Variants in GABRB2 observed in about 807,000 individuals in gnomAD.
The protein encoded by GABRB2 is gamma-aminobutyric acid type A receptor subunit beta2, also known as gamma-aminobutyric acid receptor subunit beta-2.
In GABRB2, 16 loss-of-function variants were observed where a neutral mutation model predicts 54.7. The observed-to-expected ratio is 0.29, with a 90% CI of 0.20 to 0.44. The LOEUF is 0.44. GABRB2 is among the 20% of genes least tolerant of loss of function. The pLI is 1.00. For synonymous variants in GABRB2, 244 were observed against 233.8 expected, an observed-to-expected ratio of 1.04 and a Z score of -0.40; for missense variants, 355 against 644.0, an observed-to-expected ratio of 0.55 and a Z score of 4.86.
chr5:161,440,188 A>G (rs1733529836), intron 4 of GABRB2, among the ~76,000 whole-genome samples: 2 of 152,068 alleles, frequency 1.3e-5, no homozygotes, highest in Admixed American at 1.3e-4. Context: ...AGAAGAGAAT[A>G]CCATAAGCAA....
chr5:161,456,441 T>C (rs555061334), intron 4 of GABRB2, among the ~76,000 whole-genome samples: 2 of 152,340 alleles, frequency 1.3e-5, no homozygotes, highest in African/African-American at 4.8e-5. Flanking sequence ...ATAAAAGTTG[T>C]TTCCATCTAA....
At chr5:161,497,873 G>A (rs1195901855) in intron 3 of GABRB2, among the ~76,000 whole-genome samples, 1 of 152,122 alleles carries the variant, frequency 6.6e-6, no homozygotes, top group Non-Finnish European at 1.5e-5. Context: ...TGGTGACTCT[G>A]ACTTTGCTCT....
intron 9 of GABRB2, among the ~76,000 whole-genome samples, chr5:161,297,733 C>G (rs914368462): frequency 1.3e-5 from 2 of 152,062 alleles, no homozygotes; most frequent in African/African-American, 4.8e-5. Context: ...AATAGTGTTG[C>G]AATAAACATA....
At chr5:161,390,642 C>A (rs1212830769) in intron 5 of GABRB2, among the ~76,000 whole-genome samples, 1 of 152,040 alleles carries the variant, frequency 6.6e-6, no homozygotes, top group African/African-American at 2.4e-5. Context: ...ATGAAGGAAT[C>A]TCTGTACTAT....
chr5:161,420,289 T>A (rs1756810863), intron 4 of GABRB2, among the ~76,000 whole-genome samples: 1 of 152,220 alleles, frequency 6.6e-6, no homozygotes. Context: ...ACAGACCAAG[T>A]GACAGCCTCA....
chr5:161,421,973 A>C (rs1756867078), intron 4 of GABRB2, among the ~76,000 whole-genome samples: 1 of 152,190 alleles, frequency 6.6e-6, no homozygotes, highest in East Asian at 1.9e-4. Context: ...AAGCCATGAC[A>C]ATTATTGCTT....
chr5:161,533,769 C>T (rs1446280792), intron 3 of GABRB2, among the ~76,000 whole-genome samples: 2 of 152,038 alleles, frequency 1.3e-5, no homozygotes, highest in Non-Finnish European at 2.9e-5. Context: ...CATGGAAAAA[C>T]ACACAATAGT....
chr5:161,504,785 C>A (rs925004509), intron 3 of GABRB2, among the ~76,000 whole-genome samples: 3 of 146,922 alleles, frequency 2.0e-5, no homozygotes, highest in Admixed American at 6.8e-5. Context: ...ACCACAGATC[C>A]GAAAGGAATT....
At chr5:161,513,485 T>A (rs570953234) in intron 3 of GABRB2, among the ~76,000 whole-genome samples, 2 of 152,228 alleles carry the variant, frequency 1.3e-5, no homozygotes, top group South Asian at 4.1e-4. Flanking sequence ...TGCTGCAACA[T>A]GGATGCAGCT....
At chr5:161,464,902 T>C (rs1156663897) in intron 3 of GABRB2, among the ~76,000 whole-genome samples, 1 of 152,084 alleles carries the variant, frequency 6.6e-6, no homozygotes, top group Non-Finnish European at 1.5e-5. Context: ...GGGGAGCAGT[T>C]GACCTCAAAG....
At chr5:161,371,909 T>C (rs1311777041) in intron 5 of GABRB2, among the ~76,000 whole-genome samples, 1 of 151,968 alleles carries the variant, frequency 6.6e-6, no homozygotes, top group African/African-American at 2.4e-5. Context: ...ATTTTTATTT[T>C]TGTAGAGACA....
upstream of GABRB2, chr5:161,546,772 G>A (rs1344382850): frequency 3.5e-5 from 52 of 1,495,618 alleles, no homozygotes; most frequent in Non-Finnish European, 4.5e-5. Flanking sequence ...GGAAGCGGCG[G>A]CTGCCGGGGA....
intron 3 of GABRB2, among the ~76,000 whole-genome samples, chr5:161,487,837 CTGCTG>C (rs2113344721): frequency 6.6e-6 from 1 of 152,032 alleles, no homozygotes; most frequent in Non-Finnish European, 1.5e-5. Flanking sequence ...AACTCTCCCA[CTGCTG>C]TGCTCCTAAA....
chr5:161,397,505 T>C (rs1756040384), intron 5 of GABRB2, among the ~76,000 whole-genome samples: 2 of 152,186 alleles, frequency 1.3e-5, no homozygotes, highest in Admixed American at 1.3e-4. Context: ...AATCAATTTA[T>C]ATAACAATGA....
At chr5:161,317,009 A>C (rs1228361826) in intron 9 of GABRB2, among the ~76,000 whole-genome samples, 2 of 152,166 alleles carry the variant, frequency 1.3e-5, no homozygotes, top group Non-Finnish European at 2.9e-5. Context: ...AGGCTATATA[A>C]ATTGGAAAAA....
At chr5:161,385,994 G>A (rs974661075) in intron 5 of GABRB2, among the ~76,000 whole-genome samples, 6 of 134,294 alleles carry the variant, frequency 4.5e-5, no homozygotes, top group African/African-American at 1.8e-4. Context: ...GTGTGTGTGT[G>A]TGTTACTTGA....
chr5:161,475,474 G>A lies in GABRB2; in HGVS notation c.238-15630C>T, dbSNP rs116026855. Among the ~76,000 whole-genome samples the A allele has an allele frequency of 9.3e-3, 1,410 of 151,926 alleles. 24 individuals are homozygous for A. Among genetic ancestry groups the A allele is most frequent in the African/African-American group, 0.033 (1,356 of 41,474 alleles). Reference sequence around the variant, plus strand: ...GAACACTTCCAAACTCATTTTATGTGGCCAGCATTACACTAATCCCAAAGT... The same window carrying A: ...GAACACTTCCAAACTCATTTTATGTAGCCAGCATTACACTAATCCCAAAGT... On this transcript the variant is annotated intron_variant, in intron 3 of 9. Coordinates refer to ENST00000393959, the MANE Select transcript of GABRB2 (RefSeq NM_001371727.1).
intron 5 of GABRB2, among the ~76,000 whole-genome samples, chr5:161,409,454 TA>T (rs1279722807): frequency 6.6e-6 from 1 of 152,104 alleles, no homozygotes; most frequent in Non-Finnish European, 1.5e-5. Context: ...ATCCATTCTT[TA>T]AAATAAAGAG....
chr5:161,539,490 C>A (rs143837954), intron 3 of GABRB2, among the ~76,000 whole-genome samples: 150 of 152,236 alleles, frequency 9.9e-4, no homozygotes, highest in African/African-American at 3.2e-3. Context: ...TTCTTTATAT[C>A]CAATAGAGCT....
Sources: allele counts gnomAD v4.1 joint callset (sites outside exome capture counted in the v4.1 genomes callset), GRCh38; gene constraint gnomAD v4.1.1; transcripts MANE v1.5; gene names NCBI Gene and HGNC (gene_info 2026-07-23, HGNC 2026-07-21).